Variants in DEPDC5 observed in about 807,000 individuals in gnomAD.
DEPDC5 encodes DEP domain containing 5, GATOR1 subcomplex subunit, also known as GATOR1 complex protein DEPDC5.
DEPDC5 carries 73 observed loss-of-function variants against 217.3 expected under a neutral mutation model. The observed-to-expected ratio is 0.34, with a 90% CI of 0.28 to 0.41. The LOEUF is 0.41. Ranked by LOEUF, DEPDC5 falls within the 10% of genes least tolerant of loss-of-function variation. DEPDC5 has a pLI of 1.00. For missense variants in DEPDC5, 1,675 were observed against 2,070.1 expected (o/e 0.81, Z 3.70); for synonymous variants, 733 against 756.7 (o/e 0.97, Z 0.51).
intron 12 of DEPDC5, among the ~76,000 whole-genome samples, chr22:31,796,098 T>C: frequency 7.2e-6 from 1 of 138,596 alleles, no homozygotes; most frequent in Non-Finnish European, 1.5e-5. Flanking sequence ...CTCCACAGTA[T>C]CTTTTTTTTT....
intron 18 of DEPDC5, among the ~76,000 whole-genome samples, chr22:31,808,862 G>A (rs923439078): frequency 2.0e-5 from 3 of 152,124 alleles, no homozygotes; most frequent in Admixed American, 2.0e-4. Context: ...TTTGTACTCG[G>A]CTACCATGAT....
intron 7 of DEPDC5, among the ~76,000 whole-genome samples, chr22:31,771,589 C>T (rs904920090): frequency 2.0e-5 from 3 of 151,786 alleles, no homozygotes; most frequent in Admixed American, 6.6e-5. Context: ...GTGTGGTGGC[C>T]TGTGCCTGTA....
chr22:31,770,628 G>A (rs1018231802), intron 7 of DEPDC5, among the ~76,000 whole-genome samples: 5 of 145,496 alleles, frequency 3.4e-5, no homozygotes, highest in Admixed American at 1.4e-4. Context: ...TCCTGACCTC[G>A]TGATCTGCCC....
intron 24 of DEPDC5, chr22:31,822,991 G>C: frequency 1.9e-6 from 1 of 539,958 alleles, no homozygotes. Context: ...CTCAGAACAT[G>C]TTGGTCAAGC....
intron 7 of DEPDC5, among the ~76,000 whole-genome samples, chr22:31,776,545 G>A (rs1293115608): frequency 6.9e-6 from 1 of 145,546 alleles, no homozygotes; most frequent in Non-Finnish European, 1.5e-5. Flanking sequence ...TGAAAGCCAT[G>A]CTTTACTTTT....
intron 27 of DEPDC5, among the ~76,000 whole-genome samples, chr22:31,840,006 A>T (rs916978487): frequency 2.6e-5 from 4 of 152,224 alleles, no homozygotes; most frequent in African/African-American, 9.6e-5. Flanking sequence ...GAATCCATTT[A>T]TTCACACATT....
intron 9 of DEPDC5, chr22:31,784,506 G>C (rs550985418): frequency 8.3e-6 from 2 of 241,674 alleles, no homozygotes; most frequent in Non-Finnish European, 1.6e-5. Flanking sequence ...GTGGGCGCCT[G>C]TAATCCCAGC....
At chr22:31,885,979 G>A (rs1387799944) in intron 38 of DEPDC5, among the ~76,000 whole-genome samples, 1 of 150,252 alleles carries the variant, frequency 6.7e-6, no homozygotes, top group Non-Finnish European at 1.5e-5. Context: ...GTTGCATTGA[G>A]CCAAGATCAC....
At chr22:31,769,058 G>A (rs770401390) in intron 7 of DEPDC5, 195 bp downstream of exon 7, 40 of 512,892 alleles carry the variant, frequency 7.8e-5, no homozygotes, top group African/African-American at 3.3e-4. Context: ...CAGGAGATCA[G>A]GACCATACTG....
intron 33 of DEPDC5, among the ~76,000 whole-genome samples, chr22:31,863,782 G>C (rs539092093): frequency 7.1e-4 from 108 of 151,970 alleles, no homozygotes; most frequent in Admixed American, 1.2e-3. Context: ...AATTAGACCG[G>C]GCTCGTGGCG....
Position 31,906,532 on chromosome 22 carries a change from G to A in DEPDC5, c.*35G>A, listed in dbSNP as rs913120540. The A allele has an allele frequency of 6.2e-7, 1 of 1,605,542 alleles. No homozygotes were observed. The highest frequency in any genetic ancestry group is 2.2e-5 in the East Asian group (1 of 44,726). ...GCACCTGTGCTGGGGGAAGGTGGGTGAGCCACTGCCCTCAAACCCGGGGCG... is the reference window on the plus strand; with the variant it reads ...GCACCTGTGCTGGGGGAAGGTGGGTAAGCCACTGCCCTCAAACCCGGGGCG... On this transcript the variant is annotated 3_prime_UTR_variant, in exon 43 of 43. Coordinates refer to ENST00000651528, the MANE Select transcript of DEPDC5 (RefSeq NM_001242896.3). This position sits in a 1 kb window ranked among gnomAD's most constrained non-coding sequence, Gnocchi z 5.1.
chr22:31,826,690 A>G (rs1337755969), intron 24 of DEPDC5, among the ~76,000 whole-genome samples: 1 of 152,106 alleles, frequency 6.6e-6, no homozygotes, highest in African/African-American at 2.4e-5. Context: ...ACAACTTGGC[A>G]TGTTGTGATC....
At chr22:31,765,301 C>CT (rs539764594) in intron 5 of DEPDC5, among the ~76,000 whole-genome samples, 7 of 151,746 alleles carry the variant, frequency 4.6e-5, no homozygotes, top group Non-Finnish European at 1.0e-4. Context: ...TTTCCTTTTT[C>CT]TTTTTTTTGA....
In DEPDC5 at chr22:31,901,814, A is replaced by T. The variant is rs374520772; in HGVS notation, c.4436+12A>T. 2 of 1,612,106 alleles carry T rather than the reference A, an allele frequency of 1.2e-6. No homozygotes were observed. The highest frequency in any genetic ancestry group is 2.7e-5 in the African/African-American group (2 of 74,890). The stretch of plus-strand genomic sequence containing the variant: ...GCCATTGCACACAGGTTTGTCCCTT[A>T]GCAAGTGTGAAGAGTGGGAAGGAAA... On this transcript the variant is annotated intron_variant, in intron 41 of 42. Transcript: ENST00000651528.
chr22:31,788,765 G>A (rs980149142), intron 10 of DEPDC5, among the ~76,000 whole-genome samples: 4 of 150,946 alleles, frequency 2.6e-5, no homozygotes, highest in Admixed American at 2.0e-4. Flanking sequence ...TAGTAGAGAC[G>A]GGGTTTCACC....
chr22:31,799,269 T>G (rs148858230), intron 14 of DEPDC5, among the ~76,000 whole-genome samples: 89 of 151,818 alleles, frequency 5.9e-4, no homozygotes, highest in African/African-American at 2.1e-3. Flanking sequence ...GGTCTCGATC[T>G]CCTGACCTCA....
At chr22:31,777,065 C>T (rs1291808868) in intron 7 of DEPDC5, among the ~76,000 whole-genome samples, 55 of 142,332 alleles carry the variant, frequency 3.9e-4, no homozygotes, top group Non-Finnish European at 2.1e-4. Context: ...TGGGTTCAAA[C>T]GGTTCTCCTG....
At chr22:31,801,960 C>T (rs2086907800) in intron 14 of DEPDC5, among the ~76,000 whole-genome samples, 2 of 150,606 alleles carry the variant, frequency 1.3e-5, no homozygotes, top group Admixed American at 1.3e-4. Context: ...AAAGTCATCC[C>T]AAGATTTTGG....
Position 31,872,780 on chromosome 22 carries a change from C to T in DEPDC5, c.3486-475C>T, listed in dbSNP as rs188794848. ...ATTTTATTTATTTATTTGAGACAGT[C>T]TCGCTCTGTTGCCTAGGCTGGAGTG... On this transcript the variant is annotated intron_variant, in intron 34 of 42. Coordinates refer to ENST00000651528, the MANE Select transcript of DEPDC5 (RefSeq NM_001242896.3). Among the ~76,000 whole-genome samples the T allele has an allele frequency of 4.7e-3, 720 of 152,116 alleles. 2 individuals carry two copies. Among genetic ancestry groups the T allele is most frequent in the Middle Eastern group, 0.01 (3 of 294 alleles).
Sources: gnomAD v4.1 joint callset for allele counts (sites outside exome capture counted in the v4.1 genomes callset) on GRCh38, gnomAD v4.1.1 for gene constraint, Gnocchi (gnomAD v3.1) non-coding constraint, MANE v1.5 for transcripts, NCBI Gene and HGNC (gene_info 2026-07-23, HGNC 2026-07-21) for gene names.